The following NR3C2 variants were observed in gnomAD, a reference collection of about 807,000 sequenced individuals.
NR3C2 encodes mineralocorticoid receptor.
Under a neutral mutation model 86.4 loss-of-function variants are expected in NR3C2, and 15 were observed. The observed-to-expected ratio is 0.17, with a 90% confidence interval of 0.12 to 0.27. The LOEUF is 0.27. NR3C2 is among the 10% of genes least tolerant of loss of function. The pLI, the probability that NR3C2 is intolerant of heterozygous loss-of-function variation, is 1.00. For missense variants in NR3C2, 960 were observed against 1,195.6 expected, an observed-to-expected ratio of 0.80 and a Z score of 2.91; for synonymous variants, 458 against 450.5, an observed-to-expected ratio of 1.02 and a Z score of -0.21.
chr4:148,088,904 C>T lies in NR3C2; in HGVS notation c.2800-7405G>A, dbSNP rs998628268. 2.0e-5 allele frequency among the ~76,000 whole-genome samples: 3 copies of T among 151,740 alleles called. No homozygotes were observed. The South Asian group carries it at 6.2e-4, about 31-fold the overall frequency. On this transcript the variant is annotated intron_variant, in intron 8 of 8. Coordinates refer to ENST00000358102, the MANE Select transcript of NR3C2 (RefSeq NM_000901.5). ...TTTACTAGGAACAGCAATTCCAAAT[C>T]AGAAAAAAATTCACTCTAATTTTTC... is the stretch of plus-strand genomic sequence containing the variant.
At chr4:148,299,636 C>T (rs767880593) in intron 2 of NR3C2, among the ~76,000 whole-genome samples, 3 of 152,222 alleles carry the variant, frequency 2.0e-5, no homozygotes, top group Non-Finnish European at 4.4e-5. Context: ...GAGTAGAGCT[C>T]CATCCAAGCC....
At chr4:148,294,776 A>G (rs1741965063) in intron 2 of NR3C2, among the ~76,000 whole-genome samples, 2 of 152,066 alleles carry the variant, frequency 1.3e-5, no homozygotes, top group Non-Finnish European at 2.9e-5. Context: ...CAGGAGTTCA[A>G]GACCAGCTTG....
At chr4:148,154,505 CTTG>C in intron 5 of NR3C2, 43 bp downstream of exon 5, 1 of 1,582,834 alleles carries the variant, frequency 6.3e-7, no homozygotes, top group Non-Finnish European at 8.7e-7. Context: ...GTTGCCCAGA[CTTG>C]TTAAGTTCAG....
chr4:148,434,265 T>A (rs541967474), intron 2 of NR3C2, among the ~76,000 whole-genome samples: 24 of 152,312 alleles, frequency 1.6e-4, no homozygotes, highest in African/African-American at 5.3e-4. Context: ...CCAATCCAAG[T>A]ATTCACTGTA....
At chr4:148,149,861 C>T (rs182903848) in intron 6 of NR3C2, among the ~76,000 whole-genome samples, 4 of 152,156 alleles carry the variant, frequency 2.6e-5, no homozygotes, top group Admixed American at 1.3e-4. Flanking sequence ...TGAGATACCA[C>T]GTCATGCCTA....
rs774425282 is a variant in NR3C2, at chr4:148,154,843, C to T, written c.2073G>A (p.Gln691=). The T allele has an allele frequency of 6.3e-7, 1 of 1,588,782 alleles. No individual in the cohort carries two copies. The highest frequency in any genetic ancestry group is 8.6e-7 in the Non-Finnish European group (1 of 1,166,962). Residue 691 remains glutamine, a synonymous_variant, in exon 5 of 9, where the codon CAG becomes CAA. Coordinates refer to ENST00000358102, the MANE Select transcript of NR3C2 (RefSeq NM_000901.5). ...LKGIHEEQPQ[Q]QQPPPPPPPP... is the part of the protein sequence containing the mutation. Reference sequence around the variant, plus strand: ...GTGGGGGTGGGGGTGGGGGCTGCTGCTGCTGTGGCTGCTCCTCGTGAATCC... The same window carrying T: ...GTGGGGGTGGGGGTGGGGGCTGCTGTTGCTGTGGCTGCTCCTCGTGAATCC...
intron 2 of NR3C2, among the ~76,000 whole-genome samples, chr4:148,286,936 C>T (rs61760314): frequency 3.0e-4 from 46 of 152,298 alleles, no homozygotes; most frequent in South Asian, 2.9e-3. Flanking sequence ...AACTCTCCAG[C>T]GGCACCACAT....
chr4:148,385,545 C>A (rs1426031901), intron 2 of NR3C2, among the ~76,000 whole-genome samples: 1 of 152,180 alleles, frequency 6.6e-6, no homozygotes, highest in Non-Finnish European at 1.5e-5. Flanking sequence ...CCTTAAGAGA[C>A]CAAAATTTTT....
At chr4:148,433,214 G>A (rs1749878680) in intron 2 of NR3C2, among the ~76,000 whole-genome samples, 1 of 152,038 alleles carries the variant, frequency 6.6e-6, no homozygotes, top group Non-Finnish European at 1.5e-5. Context: ...TAGGGATATA[G>A]AACAAACATA....
At chr4:148,280,979 A>G (rs575256360) in intron 2 of NR3C2, among the ~76,000 whole-genome samples, 1 of 152,326 alleles carries the variant, frequency 6.6e-6, no homozygotes, top group Admixed American at 6.5e-5. Context: ...CAAGGAGCAA[A>G]AAGAGAAACT....
At chr4:148,351,805 T>C (rs1257076522) in intron 2 of NR3C2, among the ~76,000 whole-genome samples, 1 of 152,184 alleles carries the variant, frequency 6.6e-6, no homozygotes, top group Non-Finnish European at 1.5e-5. Flanking sequence ...AAAAGGGTGA[T>C]AAATGCCTAC....
chr4:148,307,975 C>T (rs1237752259), intron 2 of NR3C2, among the ~76,000 whole-genome samples: 1 of 152,050 alleles, frequency 6.6e-6, no homozygotes, highest in Non-Finnish European at 1.5e-5. Flanking sequence ...AAACACAAAG[C>T]AACAGGACTG....
intron 2 of NR3C2, among the ~76,000 whole-genome samples, chr4:148,305,014 T>C (rs1314357296): frequency 7.3e-6 from 1 of 137,918 alleles, no homozygotes; most frequent in Non-Finnish European, 1.6e-5. Context: ...TTAGCTGAAC[T>C]AACGAGTTAA....
chr4:148,289,182 G>T (rs1741678848), intron 2 of NR3C2, among the ~76,000 whole-genome samples: 1 of 151,336 alleles, frequency 6.6e-6, no homozygotes, highest in African/African-American at 2.4e-5. Context: ...TAAGTTATGT[G>T]GTAAGACATG....
At chr4:148,295,447 T>C (rs570100393) in intron 2 of NR3C2, among the ~76,000 whole-genome samples, 1 of 151,270 alleles carries the variant, frequency 6.6e-6, no homozygotes, top group Non-Finnish European at 1.5e-5. Flanking sequence ...TCTGTGTGCA[T>C]GCTACACTCT....
chr4:148,183,382 T>G (rs762970160), intron 4 of NR3C2, among the ~76,000 whole-genome samples: 6 of 152,192 alleles, frequency 3.9e-5, no homozygotes, highest in Non-Finnish European at 7.4e-5. Context: ...TTCTAGTTCC[T>G]TGAGGAATCG....
At chr4:148,445,264 G>A (rs531693741), upstream of NR3C2, among the ~76,000 whole-genome samples, 3 of 151,932 alleles carry the variant, frequency 2.0e-5, no homozygotes, top group South Asian at 4.2e-4. Context: ...GACCTCGCGC[G>A]GGGGGCGGGA....
intron 3 of NR3C2, among the ~76,000 whole-genome samples, chr4:148,234,829 T>C (rs1461633401): frequency 1.3e-5 from 2 of 152,184 alleles, no homozygotes; most frequent in Non-Finnish European, 2.9e-5. Context: ...TTTTAACTTT[T>C]ATTTCAGGTT....
rs144719325 is a variant in NR3C2, at chr4:148,181,127, T to C, written c.2014+13619A>G. On this transcript the variant is annotated intron_variant, in intron 4 of 8. Transcript: ENST00000358102. ...TTCTGAGATTAAGGAAAACTACAGA[T>C]ACTTGTTGGAAGTACATTGGAACCA... Among the ~76,000 whole-genome samples, 53 of 152,334 alleles carry C rather than the reference T, an allele frequency of 3.5e-4. 1 individual carries two copies. The highest frequency in any genetic ancestry group is 3.0e-3 in the Admixed American group (46 of 15,298).
Sources: gnomAD v4.1 joint callset for allele counts (sites outside exome capture counted in the v4.1 genomes callset) on GRCh38, gnomAD v4.1.1 for gene constraint, MANE v1.5 for transcripts, NCBI Gene and HGNC (gene_info 2026-07-23, HGNC 2026-07-21) for gene names.